The following DOCK2 variants were observed in gnomAD, a reference collection of about 807,000 sequenced individuals.
DOCK2 encodes dedicator of cytokinesis 2.
A neutral mutation model predicts 248.9 loss-of-function variants in DOCK2; 87 were observed. That is an observed-to-expected ratio of 0.35 (90% confidence interval 0.29 to 0.42). The LOEUF is 0.42. Ranked by LOEUF, DOCK2 falls within the 10% of genes least tolerant of loss-of-function variation. The pLI, the probability that DOCK2 is intolerant of heterozygous loss-of-function variation, is 1.00. For missense variants in DOCK2, 1,747 were observed against 2,300.2 expected, an observed-to-expected ratio of 0.76 and a Z score of 4.92; for synonymous variants, 805 against 821.6, an observed-to-expected ratio of 0.98 and a Z score of 0.35.
chr5:169,780,333 G>GTGTGTGTGTGGA (rs1554100110), intron 25 of DOCK2, among the ~76,000 whole-genome samples: 46 of 145,094 alleles, frequency 3.2e-4, no homozygotes, highest in African/African-American at 1.2e-3. Flanking sequence ...GTGTGTGTGT[G>GTGTGTGTGTGGA]TGTGTGTTGA....
chr5:169,977,700 C>T (rs1025994010), intron 27 of DOCK2, among the ~76,000 whole-genome samples: 4 of 152,312 alleles, frequency 2.6e-5, no homozygotes, highest in Middle Eastern at 3.4e-3. Flanking sequence ...CCATCCTGCT[C>T]ATTGCTCCAT....
rs1762031170 is a variant in DOCK2 at position 169,718,678 on chromosome 5, G to A, written c.2154G>A (p.Lys718=). 1.2e-6 allele frequency: 2 copies of A among 1,613,590 alleles called. No homozygotes were observed. Among genetic ancestry groups the A allele is most frequent in the Non-Finnish European group, 1.7e-6 (2 of 1,179,680 alleles). The part of the protein sequence containing the change: ...LAYKKLMTVL[K]TYLDTSSRGE... Reference sequence around the variant, plus strand: ...TCAGGAAATTGATGACAGTGCTGAAGACTTACTTGGATACCTCCAGCAGAG... The same window carrying A: ...TCAGGAAATTGATGACAGTGCTGAAAACTTACTTGGATACCTCCAGCAGAG... The change falls in exon 22 of 52, where the codon AAG becomes AAA. Residue 718 remains lysine, a synonymous_variant. Coordinates refer to ENST00000520908, the MANE Select transcript of DOCK2 (RefSeq NM_004946.3).
At chr5:169,641,569 G>A (rs1338123843) in intron 1 of DOCK2, among the ~76,000 whole-genome samples, 3 of 152,224 alleles carry the variant, frequency 2.0e-5, no homozygotes, top group African/African-American at 7.2e-5. Flanking sequence ...GCAGGGAGAA[G>A]TGGTGTATTT....
intron 30 of DOCK2, among the ~76,000 whole-genome samples, chr5:170,001,974 C>G (rs1754849307): frequency 6.6e-6 from 1 of 152,044 alleles, no homozygotes. Context: ...TACTATTGTC[C>G]TCATTTTCTA....
chr5:170,040,903 C>T (rs1756492093), intron 36 of DOCK2, 152 bp from the exon 37 acceptor site: 3 of 601,354 alleles, frequency 5.0e-6, no homozygotes, highest in Non-Finnish European at 8.5e-6. Flanking sequence ...TAGGTGCTGT[C>T]ATTACCCACA....
chr5:169,957,667 A>G (rs1776923012), intron 27 of DOCK2, among the ~76,000 whole-genome samples: 1 of 152,096 alleles, frequency 6.6e-6, no homozygotes, highest in Non-Finnish European at 1.5e-5. Context: ...AAGCCTCAGG[A>G]ATATTTGGAA....
At chr5:169,753,825 G>C (rs1321360996) in intron 23 of DOCK2, among the ~76,000 whole-genome samples, 1 of 152,180 alleles carries the variant, frequency 6.6e-6, no homozygotes, top group African/African-American at 2.4e-5. Context: ...TTTCCTCGGG[G>C]ACAACTCAGC....
intron 27 of DOCK2, among the ~76,000 whole-genome samples, chr5:169,846,321 A>G (rs1227054887): frequency 1.3e-5 from 2 of 152,204 alleles, no homozygotes; most frequent in African/African-American, 4.8e-5. Context: ...CCATGGGGCT[A>G]GGATGGATTT....
intron 27 of DOCK2, among the ~76,000 whole-genome samples, chr5:169,939,065 T>A (rs890143742): frequency 2.0e-5 from 3 of 151,210 alleles, no homozygotes; most frequent in Non-Finnish European, 3.0e-5. Flanking sequence ...CACCACGCCC[T>A]GCTAATTTTT....
rs116001677 is a variant in DOCK2, at chr5:169,819,655, C to T, written c.2703+16449C>T. On this transcript the variant is annotated intron_variant, in intron 26 of 51. Coordinates refer to ENST00000520908, the MANE Select transcript of DOCK2 (RefSeq NM_004946.3). ...AAAACAGATTGGGTTCCAAGATAGC[C>T]GAATAGGAACAGCTCCAGTCTACAT... Among the ~76,000 whole-genome samples the T allele has an allele frequency of 6.3e-3, 954 of 152,212 alleles. 3 individuals carry two copies. The highest frequency in any genetic ancestry group is 9.7e-3 in the Non-Finnish European group (662 of 68,018).
intron 33 of DOCK2, among the ~76,000 whole-genome samples, chr5:170,020,292 ACT>A (rs1474663722): frequency 6.6e-6 from 1 of 151,270 alleles, no homozygotes; most frequent in Non-Finnish European, 1.5e-5. Flanking sequence ...CACCTTCTAA[ACT>A]CTTACTGATC....
chr5:169,953,332 C>CAAA (rs576183648), intron 27 of DOCK2, among the ~76,000 whole-genome samples: 3 of 123,500 alleles, frequency 2.4e-5, no homozygotes, highest in Non-Finnish European at 3.4e-5. Context: ...GACTCTATCT[C>CAAA]AAAAAAAAAA....
chr5:169,961,659 G>A (rs1382889540), intron 27 of DOCK2, among the ~76,000 whole-genome samples: 2 of 152,130 alleles, frequency 1.3e-5, no homozygotes, highest in Non-Finnish European at 2.9e-5. Flanking sequence ...GTGCTAAGAA[G>A]GACAAGTATA....
chr5:169,736,104 G>A (rs772904804), intron 22 of DOCK2, among the ~76,000 whole-genome samples: 28 of 152,272 alleles, frequency 1.8e-4, no homozygotes, highest in African/African-American at 6.5e-4. Context: ...ATCATCTCTC[G>A]CCAGGTCCCT....
At chr5:169,678,473 C>T (rs1261116281) in intron 6 of DOCK2, among the ~76,000 whole-genome samples, 1 of 151,972 alleles carries the variant, frequency 6.6e-6, no homozygotes, top group East Asian at 1.9e-4. Context: ...CAGTCTCTAC[C>T]AGGCTGGTCT....
chr5:169,961,703 T>A (rs1275639368), intron 27 of DOCK2, among the ~76,000 whole-genome samples: 1 of 151,894 alleles, frequency 6.6e-6, no homozygotes, highest in Non-Finnish European at 1.5e-5. Context: ...CCAGGCCGGG[T>A]GCAGTGGCTC....
chr5:169,861,138 T>G (rs1391716122), intron 27 of DOCK2, among the ~76,000 whole-genome samples: 1 of 152,180 alleles, frequency 6.6e-6, no homozygotes, highest in African/African-American at 2.4e-5. Context: ...CTTCATGTGA[T>G]CATCGTGACA....
At chr5:169,767,729 A>G (rs182295951) in intron 25 of DOCK2, among the ~76,000 whole-genome samples, 10 of 152,358 alleles carry the variant, frequency 6.6e-5, no homozygotes, top group Admixed American at 6.5e-5. Context: ...CCATAACAAT[A>G]GTAACGACAT....
intron 32 of DOCK2, among the ~76,000 whole-genome samples, 169 bp downstream of exon 32, chr5:170,008,915 A>AG (rs910056743): frequency 2.0e-5 from 3 of 152,150 alleles, no homozygotes; most frequent in Admixed American, 6.5e-5. Flanking sequence ...TCTGAATAAG[A>AG]GGGGTTCCCC....
Sources: gnomAD v4.1 joint callset for allele counts (sites outside exome capture counted in the v4.1 genomes callset) on GRCh38, gnomAD v4.1.1 for gene constraint, MANE v1.5 for transcripts, NCBI Gene and HGNC (gene_info 2026-07-23, HGNC 2026-07-21) for gene names.